Variants in STAU2 observed in about 807,000 individuals in gnomAD.
STAU2 encodes the protein double-stranded RNA-binding protein Staufen homolog 2.
In STAU2, 20 loss-of-function variants were observed where a neutral mutation model predicts 65.9. The ratio of observed to expected loss-of-function variants is 0.30; its 90% CI spans 0.21 to 0.44. The LOEUF is 0.44. Ranked by LOEUF, STAU2 falls within the 20% of genes least tolerant of loss-of-function variation. STAU2 has a pLI of 1.00. For missense variants in STAU2, 558 were observed against 683.9 expected, an observed-to-expected ratio of 0.82 and a Z score of 2.05; for synonymous variants, 232 against 233.9, an observed-to-expected ratio of 0.99 and a Z score of 0.07.
intron 5 of STAU2, among the ~76,000 whole-genome samples, chr8:73,687,428 T>TA: frequency 7.5e-6 from 1 of 133,438 alleles, no homozygotes; most frequent in South Asian, 2.2e-4. Flanking sequence ...TAAATATAAA[T>TA]ATATATTTAT....
intron 13 of STAU2, among the ~76,000 whole-genome samples, chr8:73,469,023 C>A (rs1357356582): frequency 6.6e-6 from 1 of 151,932 alleles, no homozygotes; most frequent in African/African-American, 2.4e-5. Context: ...TATTGTGGCA[C>A]TATTCACAAT....
intron 3 of STAU2, among the ~76,000 whole-genome samples, chr8:73,724,092 A>G (rs541218863): frequency 1.5e-4 from 23 of 152,274 alleles, no homozygotes; most frequent in Middle Eastern, 3.4e-3. Context: ...TCTACTCTCT[A>G]TGTCACATCC....
chr8:73,608,010 G>T (rs1209045148), intron 9 of STAU2, among the ~76,000 whole-genome samples: 1 of 152,064 alleles, frequency 6.6e-6, no homozygotes, highest in Non-Finnish European at 1.5e-5. Context: ...ATTTCATCTT[G>T]ACAATCTGTA....
rs1327248422 is a variant in STAU2, at chr8:73,627,383, T to G, written c.411-9932A>C. Among the ~76,000 whole-genome samples, 6 of 152,074 alleles carry G rather than the reference T, an allele frequency of 3.9e-5. No homozygotes were observed. The South Asian group carries it at 1.2e-3, about 32-fold the overall frequency. On this transcript the variant is annotated intron_variant, in intron 6 of 14. Transcript: ENST00000524300. ...GGATGGAGTCCAGGAATGCGCACAT[T>G]ACCTAACAGCCTAGGTGGTTTGCAC...
rs1563484753 is a variant in STAU2 at position 73,654,656 on chromosome 8, A to AAAAAAAAAAAAAAC, written c.410+18450_410+18451insGTTTTTTTTTTTTT. Among the ~76,000 whole-genome samples the AAAAAAAAAAAAAAC allele has an allele frequency of 1.8e-4, 26 of 141,546 alleles. 1 individual carries two copies. The highest frequency in any genetic ancestry group is 3.4e-4 in the Non-Finnish European group (22 of 64,652). 92.9% of individuals were successfully genotyped at this position (141,546 alleles called of 152,430 possible). A position where few individuals can be genotyped will look rare whatever the true frequency, so the allele number is the denominator to read the frequency against. On this transcript the variant is annotated intron_variant, in intron 6 of 14. Coordinates refer to ENST00000524300, the MANE Select transcript of STAU2 (RefSeq NM_001164380.2). ...TTGTCTCAAAAAAAAAAAAAAAAAA[A>AAAAAAAAAAAAAAC]AAAAAGAACTCTTTTAATTATCAAA...
chr8:73,561,365 C>T, intron 12 of STAU2: 1 of 306,992 alleles, frequency 3.3e-6, no homozygotes, highest in Non-Finnish European at 6.3e-6. Context: ...ACTATTTCTA[C>T]CAAGTAAGAC....
intron 5 of STAU2, among the ~76,000 whole-genome samples, chr8:73,686,592 T>C (rs958459849): frequency 1.3e-5 from 2 of 148,488 alleles, no homozygotes; most frequent in South Asian, 2.1e-4. Flanking sequence ...TGGGAGAAGG[T>C]TGGGAGGGGA....
At chr8:73,716,238 G>GGCTTAAAGAACTGTATAAT (rs1821243603) in intron 3 of STAU2, among the ~76,000 whole-genome samples, 1 of 151,848 alleles carries the variant, frequency 6.6e-6, no homozygotes, top group African/African-American at 2.4e-5. Flanking sequence ...ACAGGCGCCC[G>GGCTTAAAGAACTGTATAAT]CCACCACGCC....
At chr8:73,453,681 A>G (rs141785579) in intron 13 of STAU2, among the ~76,000 whole-genome samples, 13 of 152,334 alleles carry the variant, frequency 8.5e-5, no homozygotes, top group African/African-American at 3.1e-4. Context: ...AAGGAGAAAA[A>G]AAATTTTTAA....
At chr8:73,537,438 TA>T (rs1296433171) in intron 13 of STAU2, among the ~76,000 whole-genome samples, 1 of 152,188 alleles carries the variant, frequency 6.6e-6, no homozygotes, top group Non-Finnish European at 1.5e-5. Flanking sequence ...ATCAAGCTTC[TA>T]AAAATTAAAG....
intron 14 of STAU2, among the ~76,000 whole-genome samples, chr8:73,421,972 T>A (rs988049248): frequency 1.4e-5 from 2 of 143,738 alleles, no homozygotes; most frequent in African/African-American, 5.2e-5. Context: ...TTTTTTTTTT[T>A]AGTATAAATT....
chr8:73,664,597 T>C (rs1817094508), intron 6 of STAU2, among the ~76,000 whole-genome samples: 1 of 152,230 alleles, frequency 6.6e-6, no homozygotes, highest in Non-Finnish European at 1.5e-5. Flanking sequence ...ATTACTTTGA[T>C]TACTGAATAC....
intron 1 of STAU2, among the ~76,000 whole-genome samples, chr8:73,746,385 T>C: frequency 6.6e-6 from 1 of 150,386 alleles, no homozygotes; most frequent in East Asian, 2.0e-4. Flanking sequence ...TTCCGGCCGC[T>C]ACCACCCCGG....
intron 12 of STAU2, among the ~76,000 whole-genome samples, chr8:73,577,613 T>C (rs531391750): frequency 1.3e-5 from 2 of 152,246 alleles, no homozygotes; most frequent in East Asian, 3.9e-4. Context: ...TCCGTATGTT[T>C]TAGCCAAGCC....
In STAU2 at chr8:73,668,901, A is replaced by C. The variant is rs542523528; in HGVS notation, c.410+4206T>G. 9 of 607,254 alleles carry C rather than the reference A, an allele frequency of 1.5e-5. No individual in the cohort carries two copies. The South Asian group carries it at 1.9e-4, about 13-fold the overall frequency. 37.6% of individuals were successfully genotyped at this position (607,254 alleles called of 1,614,324 possible). A position where few individuals can be genotyped will look rare whatever the true frequency, so the allele number is the denominator to read the frequency against. On this transcript the variant is annotated intron_variant, in intron 6 of 14. Transcript: ENST00000524300. The stretch of plus-strand genomic sequence containing the variant: ...CATCAGTAGAGGGTGGTAAAACAGC[A>C]TAGGTAATACCTAATTTTGCTTAAT...
intron 12 of STAU2, among the ~76,000 whole-genome samples, chr8:73,559,898 A>G (rs1377345074): frequency 6.6e-6 from 1 of 152,134 alleles, no homozygotes; most frequent in East Asian, 1.9e-4. Flanking sequence ...AAAAATCAAC[A>G]ATGCAAAATA....
chr8:73,556,862 T>G (rs1807817440), intron 12 of STAU2, among the ~76,000 whole-genome samples: 1 of 152,138 alleles, frequency 6.6e-6, no homozygotes, highest in African/African-American at 2.4e-5. Flanking sequence ...TTTGGTGAGA[T>G]GAAAATGTCA....
chr8:73,552,230 A>G lies in STAU2; in HGVS notation c.1312T>C (p.Tyr438His). Residue 438 changes from tyrosine to histidine, a missense_variant, in exon 13 of 15, where the codon TAT becomes CAT. Transcript: ENST00000524300. ...TGGTTCATATCTTTGGGTGACAAAT[A>G]GCCTAGAGTAGTGCCAGAGATTACT... Reference protein sequence around the residue: ...HKVISGTTLGYLSPKDMNQPS... With the variant: ...HKVISGTTLGHLSPKDMNQPS... The G allele has an allele frequency of 6.2e-7, 1 of 1,614,036 alleles. No individual in the cohort carries two copies. Among genetic ancestry groups the G allele is most frequent in the East Asian group, 2.2e-5 (1 of 44,870 alleles).
At chr8:73,432,368 C>T (rs1482771210) in intron 13 of STAU2, among the ~76,000 whole-genome samples, 1 of 152,228 alleles carries the variant, frequency 6.6e-6, no homozygotes, top group Admixed American at 6.5e-5. Context: ...CCTAATTTCT[C>T]ATCCCAGCAA....
Sources: allele counts gnomAD v4.1 joint callset (sites outside exome capture counted in the v4.1 genomes callset), GRCh38; gene constraint gnomAD v4.1.1; transcripts MANE v1.5; gene names NCBI Gene and HGNC (gene_info 2026-07-23, HGNC 2026-07-21).